Variants in DMXL1 observed in about 807,000 individuals in gnomAD.
The protein encoded by DMXL1 is Dmx like 1.
In DMXL1, 99 loss-of-function variants were observed where a neutral mutation model predicts 319.2. The observed-to-expected ratio is 0.31, with a 90% CI of 0.26 to 0.37. The LOEUF (loss-of-function observed/expected upper bound fraction) is 0.37. Among genes scored for constraint, DMXL1 ranks in the 10% least tolerant of loss-of-function variants. The probability of loss-of-function intolerance (pLI) is 1.00; values close to 1 mark genes in which losing one functional copy is unlikely to be tolerated. For synonymous variants in DMXL1, 1,385 were observed against 1,235.2 expected (o/e 1.12, Z -2.54); for missense variants, 3,745 against 3,595.6 (o/e 1.04, Z -1.06).
At chr5:119,126,039 C>T (rs1341831136) in intron 9 of DMXL1, among the ~76,000 whole-genome samples, 1 of 151,992 alleles carries the variant, frequency 6.6e-6, no homozygotes, top group Non-Finnish European at 1.5e-5. Context: ...ATCTCTAATC[C>T]CAGCACTTTG....
intron 34 of DMXL1, among the ~76,000 whole-genome samples, chr5:119,213,418 G>T (rs941723510): frequency 6.6e-6 from 1 of 152,086 alleles, no homozygotes; most frequent in Non-Finnish European, 1.5e-5. Flanking sequence ...CTTGTCTTCA[G>T]TTCTTAATAA....
At chr5:119,224,668 C>A in intron 37 of DMXL1, 41 bp from the exon 38 acceptor site, 1 of 750,504 alleles carries the variant, frequency 1.3e-6, no homozygotes, top group Non-Finnish European at 2.1e-6. Flanking sequence ...ATGTTTAATC[C>A]TTTTTATTAT....
At chr5:119,181,828 G>A (rs1379471310) in intron 28 of DMXL1, among the ~76,000 whole-genome samples, 2 of 151,672 alleles carry the variant, frequency 1.3e-5, no homozygotes, top group Middle Eastern at 3.2e-3. Flanking sequence ...GAAAAGAAAA[G>A]GAGCAGGCAG....
intron 30 of DMXL1, among the ~76,000 whole-genome samples, chr5:119,195,903 T>G (rs1779531412): frequency 6.6e-6 from 1 of 152,228 alleles, no homozygotes; most frequent in African/African-American, 2.4e-5. Context: ...CTTCTGCACA[T>G]CCTCTACAGC....
intron 9 of DMXL1, among the ~76,000 whole-genome samples, chr5:119,122,340 G>T (rs1452228004): frequency 1.3e-5 from 2 of 149,982 alleles, no homozygotes; most frequent in African/African-American, 4.9e-5. Flanking sequence ...CTCCCGGAGG[G>T]GGCGGCTGGC....
chr5:119,217,800 C>T (rs895105990), intron 35 of DMXL1, among the ~76,000 whole-genome samples: 2 of 152,048 alleles, frequency 1.3e-5, no homozygotes, highest in Non-Finnish European at 2.9e-5. Context: ...GGGGAAATTA[C>T]CCATTTAGTA....
chr5:119,080,297 A>G (rs940889964), intron 1 of DMXL1, among the ~76,000 whole-genome samples: 3 of 152,136 alleles, frequency 2.0e-5, no homozygotes, highest in Non-Finnish European at 4.4e-5. Context: ...CAGTGAGCCA[A>G]GATTGTCTCG....
rs1442173233 is a variant in DMXL1 at position 119,196,440 on chromosome 5, A to G, written c.7527A>G (p.Ala2509=). ...LNNLKTFYPF[A]GHDLAELPVS... ...ATTTGAAGACTTTTTATCCCTTCGC[A>G]GGTCATGATCTTGCAGGTAATAAAT... Residue 2509 remains alanine (A), a synonymous_variant, in exon 31 of 44, where the codon GCA becomes GCG. Transcript: ENST00000539542. 2.5e-6 allele frequency: 4 copies of G among 1,612,186 alleles called. No homozygotes were observed. In the African/African-American group the frequency reaches 4.0e-5, roughly 16 times the overall value.
intron 30 of DMXL1, among the ~76,000 whole-genome samples, chr5:119,195,113 G>A (rs1779386577): frequency 1.3e-5 from 2 of 152,064 alleles, no homozygotes; most frequent in Non-Finnish European, 2.9e-5. Flanking sequence ...TGGCAAGGAT[G>A]AGGAGAAATT....
chr5:119,230,734 T>A (rs1361012344), intron 38 of DMXL1, among the ~76,000 whole-genome samples: 1 of 151,956 alleles, frequency 6.6e-6, no homozygotes, highest in Admixed American at 6.6e-5. Flanking sequence ...TACAAAAAAT[T>A]AGCTGGGCGT....
intron 35 of DMXL1, among the ~76,000 whole-genome samples, chr5:119,217,600 C>T (rs1314355389): frequency 6.6e-6 from 1 of 151,992 alleles, no homozygotes; most frequent in Non-Finnish European, 1.5e-5. Context: ...CTTTTGTTTT[C>T]CTTCCATTAA....
In DMXL1 at chr5:119,244,473, A is replaced by G. The variant is rs768119503; in HGVS notation, c.8819A>G (p.Gln2940Arg). 6.2e-7 allele frequency: 1 copy of G among 1,614,208 alleles called. No individual in the cohort carries two copies. Among genetic ancestry groups the G allele is most frequent in the Non-Finnish European group, 8.5e-7 (1 of 1,180,028 alleles). Residue 2940 changes from glutamine (Q) to arginine (R), a missense_variant, in exon 43 of 44, where the codon CAA (glutamine) becomes CGA (arginine). Around this residue, in one of 4 missense-constraint regions of DMXL1, gnomAD observed 262 missense variants for 320.5 expected, o/e 0.82. Transcript: ENST00000539542. ...FTYVFDLCQR[Q>R]QRQLFQSHDS... ...TATGTATTTGACCTTTGTCAACGAC[A>G]ACAGAGGCAGCTTTTCCAGAGCCAT...
chr5:119,199,560 A>G (rs899050692), intron 32 of DMXL1, among the ~76,000 whole-genome samples: 3 of 152,170 alleles, frequency 2.0e-5, no homozygotes, highest in Non-Finnish European at 4.4e-5. Flanking sequence ...AGAATGATTT[A>G]TATTACCCTA....
At chr5:119,246,049 G>A (rs1449069399) in intron 43 of DMXL1, among the ~76,000 whole-genome samples, 3 of 152,046 alleles carry the variant, frequency 2.0e-5, no homozygotes, top group South Asian at 2.1e-4. Flanking sequence ...AGTAGGTTTC[G>A]CTAAACCTAA....
intron 1 of DMXL1, among the ~76,000 whole-genome samples, chr5:119,089,292 A>ATATATT (rs1193170456): frequency 5.0e-5 from 2 of 39,882 alleles, no homozygotes; most frequent in African/African-American, 1.7e-4. Context: ...ATATATATAT[A>ATATATT]TTTTTTTTTT....
intron 4 of DMXL1, among the ~76,000 whole-genome samples, chr5:119,108,952 C>T (rs1302670099): frequency 6.6e-6 from 1 of 152,012 alleles, no homozygotes; most frequent in Non-Finnish European, 1.5e-5. Context: ...CAGGCATGCT[C>T]CACCATGCCC....
chr5:119,075,296 G>A (rs1317579537), intron 1 of DMXL1, among the ~76,000 whole-genome samples: 1 of 143,346 alleles, frequency 7.0e-6, no homozygotes, highest in Non-Finnish European at 1.5e-5. Context: ...CTAGAGTGCA[G>A]TGGTGTGATC....
chr5:119,181,418 G>T (rs1041323609), intron 28 of DMXL1, among the ~76,000 whole-genome samples: 5 of 152,100 alleles, frequency 3.3e-5, no homozygotes, highest in African/African-American at 1.2e-4. Context: ...AGTACTTAAA[G>T]AAAACATGAA....
chr5:119,081,780 G>C (rs1752240720), intron 1 of DMXL1: 1 of 955,528 alleles, frequency 1.0e-6, no homozygotes, highest in Non-Finnish European at 1.2e-6. Flanking sequence ...ACGTGTATTT[G>C]AAGGTAGTTT....
Sources: gnomAD v4.1 joint callset for allele counts (sites outside exome capture counted in the v4.1 genomes callset) on GRCh38, gnomAD v4.1.1 for gene constraint, gnomAD v4.1.1 regional missense constraint, MANE v1.5 for transcripts, NCBI Gene and HGNC (gene_info 2026-07-23, HGNC 2026-07-21) for gene names.